The following ARAP2 variants were observed in gnomAD, a reference collection of about 807,000 sequenced individuals.
ARAP2 encodes the protein ArfGAP with RhoGAP domain, ankyrin repeat and PH domain 2, also known as arf-GAP with Rho-GAP domain, ANK repeat and PH domain-containing protein 2.
In ARAP2, 148 loss-of-function variants were observed where a neutral mutation model predicts 194.5. The ratio of observed to expected loss-of-function variants is 0.76; its 90% CI spans 0.67 to 0.87. The LOEUF (loss-of-function observed/expected upper bound fraction) is 0.87. Ranked by LOEUF, ARAP2 falls within the 40% of genes least tolerant of loss-of-function variation. The pLI is 0.00. For missense variants in ARAP2, 2,128 were observed against 1,989.7 expected (o/e 1.07, Z -1.32); for synonymous variants, 695 against 683.5 (o/e 1.02, Z -0.26).
chr4:36,063,568 C>T (rs538499119), downstream of ARAP2, among the ~76,000 whole-genome samples: 29 of 152,260 alleles, frequency 1.9e-4, no homozygotes, highest in South Asian at 4.1e-4. Context: ...GCGGTTGTGG[C>T]GCACATCTTG....
intron 28 of ARAP2, among the ~76,000 whole-genome samples, chr4:36,087,732 G>A (rs945449542): frequency 6.6e-6 from 1 of 152,018 alleles, no homozygotes; most frequent in Non-Finnish European, 1.5e-5. Flanking sequence ...ATTTAAAAAT[G>A]TTTGATACTA....
At chr4:36,150,045 A>T (rs560730603) in intron 16 of ARAP2, among the ~76,000 whole-genome samples, 1 of 152,304 alleles carries the variant, frequency 6.6e-6, no homozygotes, top group African/African-American at 2.4e-5. Context: ...CCTGACAAAG[A>T]TTTATTTAAA....
At chr4:36,218,286 AAG>A (rs1397567625) in intron 2 of ARAP2, among the ~76,000 whole-genome samples, 2 of 152,274 alleles carry the variant, frequency 1.3e-5, no homozygotes, top group African/African-American at 4.8e-5. Context: ...ATGAGCACAA[AAG>A]AGGGAACAAC....
At position 36,164,958 on chromosome 4, in the gene ARAP2, C is replaced by A; in HGVS notation, c.2129G>T (p.Trp710Leu). 1 of 1,614,118 alleles carries A rather than the reference C, an allele frequency of 6.2e-7. No homozygotes were observed. Among genetic ancestry groups the A allele is most frequent in the Non-Finnish European group, 8.5e-7 (1 of 1,179,956 alleles). Residue 710 changes from tryptophan (W) to leucine (L), a missense_variant, in exon 11 of 33, where the codon TGG (tryptophan) becomes TTG (leucine). Coordinates refer to ENST00000303965, the MANE Select transcript of ARAP2 (RefSeq NM_015230.4). ...GACAACACAGAGATTGATGGATGCC[C>A]AGTCAGGATCTGGGGCTTTACAATC... is the stretch of plus-strand genomic sequence containing the variant. ...CADCKAPDPD[W>L]ASINLCVVIC...
chr4:36,056,346 G>A (rs2048374), intron 2 of ARAP2, among the ~76,000 whole-genome samples: 114,203 of 152,014 alleles, frequency 0.75, 43,615 homozygotes, highest in Middle Eastern at 0.84. Context: ...TTACCATTTT[G>A]TTGGAACTGT....
rs576789394 is a variant in ARAP2 at position 36,147,745 on chromosome 4, T to C, written c.3002A>G (p.His1001Arg). 6.2e-7 allele frequency: 1 copy of C among 1,603,048 alleles called. No individual in the cohort carries two copies. Among genetic ancestry groups the C allele is most frequent in the Non-Finnish European group, 8.5e-7 (1 of 1,176,110 alleles). The change falls in exon 18 of 33, where the codon CAT becomes CGT. Residue 1001 changes from histidine to arginine, a missense_variant and splice_region_variant. His to Arg is a conservative substitution (Grantham distance 29). Transcript: ENST00000303965. ...QRKWTEAIAK[H>R]FVPLFAENLT... ...GTTTTCAGCAAATAAGGGAACAAAA[T>C]GCTGTTAAAACAAATACAAAAAAGT...
chr4:36,166,603 T>C (rs1735342830), intron 10 of ARAP2, among the ~76,000 whole-genome samples: 1 of 151,916 alleles, frequency 6.6e-6, no homozygotes, highest in Non-Finnish European at 1.5e-5. Flanking sequence ...TTAAAGACAA[T>C]GTAATATGTT....
intron 2 of ARAP2, among the ~76,000 whole-genome samples, chr4:36,227,038 T>G: frequency 6.6e-6 from 1 of 152,176 alleles, no homozygotes; most frequent in Non-Finnish European, 1.5e-5. Flanking sequence ...TCCTTTACAG[T>G]CCCAACAAAT....
chr4:36,044,023 A>G (rs1463275783), intron 5 of ARAP2, among the ~76,000 whole-genome samples: 2 of 152,194 alleles, frequency 1.3e-5, no homozygotes, highest in East Asian at 1.9e-4. Context: ...TCTGGATGAC[A>G]TAACTCAGGA....
chr4:36,097,461 A>G (rs1208178985), intron 27 of ARAP2, among the ~76,000 whole-genome samples: 1 of 152,124 alleles, frequency 6.6e-6, no homozygotes, highest in Non-Finnish European at 1.5e-5. Flanking sequence ...GTGTAACTCT[A>G]TATGTAACAA....
chr4:36,123,230 ACT>A (rs1183735361), intron 22 of ARAP2, among the ~76,000 whole-genome samples: 2 of 151,706 alleles, frequency 1.3e-5, no homozygotes, highest in African/African-American at 4.8e-5. Flanking sequence ...ACAGTCAGAA[ACT>A]CTTTAATTAC....
chr4:36,193,782 TAC>T (rs1381510833), intron 6 of ARAP2, 135 bp from the exon 7 acceptor site: 24 of 635,914 alleles, frequency 3.8e-5, no homozygotes, highest in Non-Finnish European at 5.7e-5. Context: ...GCTATGATAA[TAC>T]ACAGTTTTGG....
chr4:36,142,969 T>C (rs1728704481), intron 19 of ARAP2, among the ~76,000 whole-genome samples: 1 of 151,788 alleles, frequency 6.6e-6, no homozygotes, highest in Admixed American at 6.6e-5. Context: ...GCTCAACATG[T>C]CTTAAACTCA....
intron 1 of ARAP2, among the ~76,000 whole-genome samples, chr4:36,231,296 A>G (rs866812429): frequency 6.6e-6 from 1 of 152,178 alleles, no homozygotes; most frequent in Non-Finnish European, 1.5e-5. Flanking sequence ...AGATGGTGCC[A>G]CTGCACTCCA....
At chr4:36,095,254 C>T (rs764034124) in intron 27 of ARAP2, among the ~76,000 whole-genome samples, 15 of 152,114 alleles carry the variant, frequency 9.9e-5, no homozygotes, top group Non-Finnish European at 1.8e-4. Flanking sequence ...CTAAATTTTC[C>T]ACTTAAATTG....
At chr4:36,191,536 C>A (rs1741905866) in intron 7 of ARAP2, among the ~76,000 whole-genome samples, 1 of 148,728 alleles carries the variant, frequency 6.7e-6, no homozygotes, top group Non-Finnish European at 1.5e-5. Flanking sequence ...GTATGAGATC[C>A]CAAGAAAAAT....
intron 2 of ARAP2, among the ~76,000 whole-genome samples, chr4:36,055,265 T>C (rs960169349): frequency 2.6e-5 from 4 of 152,212 alleles, no homozygotes; most frequent in Non-Finnish European, 5.9e-5. Flanking sequence ...GGTTATAAAA[T>C]CTTGGATAAG....
chr4:36,146,461 C>A (rs1729638547), intron 19 of ARAP2, among the ~76,000 whole-genome samples: 1 of 151,942 alleles, frequency 6.6e-6, no homozygotes, highest in South Asian at 2.1e-4. Context: ...GAAATCATTT[C>A]TTCCCACTCT....
chr4:36,083,568 C>A (rs1014340384), intron 28 of ARAP2, 118 bp from the exon 29 acceptor site: 33 of 706,572 alleles, frequency 4.7e-5, no homozygotes, highest in Non-Finnish European at 7.2e-5. Context: ...ATAAAACAAA[C>A]ATTTCATGAG....
Sources: gnomAD v4.1 joint callset for allele counts (sites outside exome capture counted in the v4.1 genomes callset) on GRCh38, gnomAD v4.1.1 for gene constraint, MANE v1.5 for transcripts, NCBI Gene and HGNC (gene_info 2026-07-23, HGNC 2026-07-21) for gene names.